SH3RF2: variants seen among roughly 807,000 people sequenced by gnomAD.
SH3RF2 encodes the protein SH3 domain containing ring finger 2.
Under a neutral mutation model 59.0 loss-of-function variants are expected in SH3RF2, and 43 were observed. The ratio of observed to expected loss-of-function variants is 0.73; its 90% CI spans 0.57 to 0.94. SH3RF2 has a LOEUF of 0.94. Among genes scored for constraint, SH3RF2 ranks in the 40% least tolerant of loss-of-function variants. The probability of loss-of-function intolerance (pLI) is 0.00; values close to 1 mark genes in which losing one functional copy is unlikely to be tolerated. For missense variants in SH3RF2, 930 were observed against 940.1 expected, an observed-to-expected ratio of 0.99 and a Z score of 0.14; for synonymous variants, 391 against 391.5, an observed-to-expected ratio of 1.00 and a Z score of 0.01.
In SH3RF2 at chr5:146,075,641, T is replaced by C. The variant is rs551011824; in HGVS notation, c.*34-2819T>C. Among the ~76,000 whole-genome samples the C allele has an allele frequency of 1.2e-3, 179 of 151,776 alleles. 1 individual carries two copies. The highest frequency in any genetic ancestry group is 4.0e-3 in the African/African-American group (167 of 41,380). ...GCCTGGCCAACATGGCAAAACCCCA[T>C]CTCTACTAAAAATACAAAAATTAGC... On this transcript the variant is annotated intron_variant, in intron 9 of 9. Transcript: ENST00000511217.
At chr5:146,080,695 C>T (rs1763410590) in exon 10 of SH3RF2, 1 of 152,246 alleles carries the variant, frequency 6.6e-6, no homozygotes, top group Admixed American at 6.5e-5. Flanking sequence ...GTATGGATTA[C>T]TGTAAAATGT....
At chr5:146,017,256 G>T (rs1170236697) in intron 5 of SH3RF2, among the ~76,000 whole-genome samples, 1 of 152,226 alleles carries the variant, frequency 6.6e-6, no homozygotes, top group Non-Finnish European at 1.5e-5. Flanking sequence ...AGTGGAGGAA[G>T]TTAAGTGGGT....
intron 5 of SH3RF2, among the ~76,000 whole-genome samples, chr5:146,020,043 C>T (rs765277779): frequency 1.3e-5 from 2 of 152,090 alleles, no homozygotes; most frequent in Non-Finnish European, 2.9e-5. Flanking sequence ...AGATCATCAG[C>T]AAACAGAGAT....
chr5:146,042,607 T>A (rs1762166268), intron 5 of SH3RF2, among the ~76,000 whole-genome samples: 1 of 152,210 alleles, frequency 6.6e-6, no homozygotes, highest in Non-Finnish European at 1.5e-5. Flanking sequence ...AAGAGGTAGC[T>A]GCATTTTCTA....
intron 2 of SH3RF2, among the ~76,000 whole-genome samples, chr5:145,999,763 A>G (rs1760322118): frequency 6.6e-6 from 1 of 152,138 alleles, no homozygotes; most frequent in Admixed American, 6.6e-5. Flanking sequence ...GTAACCTCAA[A>G]GATCACTGAT....
rs1265784207 is a variant in SH3RF2 at position 146,000,170 on chromosome 5, A to G, written c.491A>G (p.Gln164Arg). 2 of 1,613,516 alleles carry G rather than the reference A, an allele frequency of 1.2e-6. No homozygotes were observed. The highest frequency in any genetic ancestry group is 1.1e-5 in the South Asian group (1 of 90,994). The change falls in exon 3 of 10, where the codon CAG becomes CGG. Residue 164 changes from glutamine (Q) to arginine (R), a missense_variant. Gln to Arg is a conservative substitution (Grantham distance 43, BLOSUM62 1). Coordinates refer to ENST00000359120, the MANE Select transcript of SH3RF2 (RefSeq NM_152550.4). ...LRRQLDENWY[Q>R]GEINGISGNF... ...AGACAGCTTGATGAGAATTGGTACCAGGGGGAAATCAATGGCATCAGCGGG... is the reference window on the plus strand; with the variant it reads ...AGACAGCTTGATGAGAATTGGTACCGGGGGGAAATCAATGGCATCAGCGGG...
In SH3RF2 at chr5:146,073,529, T is replaced by G. The variant is rs533416059; in HGVS notation, c.*34-4931T>G. Reference sequence around the variant, plus strand: ...ACTTTGTAATTCAGAAAATGCTGATTAAACCCCCGCTGGGCGTCCATTATG... The same window carrying G: ...ACTTTGTAATTCAGAAAATGCTGATGAAACCCCCGCTGGGCGTCCATTATG... On this transcript the variant is annotated intron_variant, in intron 9 of 9. Coordinates refer to the SH3RF2 transcript ENST00000511217. Among the ~76,000 whole-genome samples, 4 of 152,248 alleles carry G rather than the reference T, an allele frequency of 2.6e-5. No individual in the cohort carries two copies. The South Asian group carries it at 8.3e-4, about 31-fold the overall frequency.
chr5:146,014,000 AC>A lies in SH3RF2; in HGVS notation c.1002del (p.Ser335LeufsTer2). Reference sequence around the variant, plus strand: ...ACCCCAGTGCTCATCAGCTCCAGCAACCCCTCTGTGATCACCCAGCCCATGG... The same window carrying A: ...ACCCCAGTGCTCATCAGCTCCAGCAACCCTCTGTGATCACCCAGCCCATGG... Reference protein sequence around the residue: ...ISTPVLISSSNPSVITQPMEK... With the variant: ...ISTPVLISSSXPSVITQPMEK... On this transcript the variant is annotated frameshift_variant, in exon 5 of 10. Coordinates refer to ENST00000359120, the MANE Select transcript of SH3RF2 (RefSeq NM_152550.4). LOFTEE classifies it high-confidence loss of function. The A allele has an allele frequency of 6.2e-7, 1 of 1,613,970 alleles. No homozygotes were observed. Among genetic ancestry groups the A allele is most frequent in the Non-Finnish European group, 8.5e-7 (1 of 1,179,964 alleles).
At chr5:146,035,673 T>G (rs1761912572) in intron 5 of SH3RF2, among the ~76,000 whole-genome samples, 1 of 152,178 alleles carries the variant, frequency 6.6e-6, no homozygotes, top group South Asian at 2.1e-4. Flanking sequence ...ATTCCTTAGT[T>G]CAGAAAATAA....
exon 10 of SH3RF2, chr5:146,080,427 T>C (rs992878538): frequency 3.3e-5 from 5 of 152,174 alleles, no homozygotes; most frequent in Non-Finnish European, 7.4e-5. Context: ...TGAGTTAATA[T>C]GTATGTGAAT....
chr5:145,971,871 A>AATG (rs148965709), intron 2 of SH3RF2, among the ~76,000 whole-genome samples: 6,067 of 150,706 alleles, frequency 0.04, 136 homozygotes, highest in Middle Eastern at 0.12. Flanking sequence ...TAATAGTGAT[A>AATG]ATGATGATGA....
At chr5:145,994,365 G>A (rs1209655952) in intron 2 of SH3RF2, among the ~76,000 whole-genome samples, 2 of 152,060 alleles carry the variant, frequency 1.3e-5, no homozygotes, top group East Asian at 3.8e-4. Flanking sequence ...CATATTTTCA[G>A]GTATCTTTTC....
intron 5 of SH3RF2, among the ~76,000 whole-genome samples, chr5:146,043,303 C>G (rs1762188871): frequency 6.6e-6 from 1 of 152,186 alleles, no homozygotes; most frequent in South Asian, 2.1e-4. Flanking sequence ...TGGTTTCTCT[C>G]CTATTCAGGT....
intron 2 of SH3RF2, among the ~76,000 whole-genome samples, chr5:145,946,074 C>T (rs757054746): frequency 2.0e-5 from 3 of 152,204 alleles, no homozygotes; most frequent in Non-Finnish European, 4.4e-5. Context: ...ATCTGTTCAC[C>T]ATGAGCTGCT....
At chr5:145,997,337 T>A in intron 2 of SH3RF2, 3 of 1,146,256 alleles carry the variant, frequency 2.6e-6, no homozygotes, top group Non-Finnish European at 4.0e-6. Context: ...CCGTATATAC[T>A]GCACCACCGC....
chr5:146,070,604 C>T (rs551642460), intron 9 of SH3RF2, among the ~76,000 whole-genome samples: 1 of 152,278 alleles, frequency 6.6e-6, no homozygotes, highest in East Asian at 1.9e-4. Context: ...CTGGTTTTGC[C>T]TGTCCTCACT....
chr5:146,030,335 G>A (rs964582485), intron 5 of SH3RF2, among the ~76,000 whole-genome samples: 1 of 152,194 alleles, frequency 6.6e-6, no homozygotes, highest in Non-Finnish European at 1.5e-5. Context: ...GCTAGGCCTG[G>A]AGCATATACT....
chr5:146,040,458 A>T (rs1762087759), intron 5 of SH3RF2, among the ~76,000 whole-genome samples: 1 of 152,090 alleles, frequency 6.6e-6, no homozygotes, highest in Admixed American at 6.6e-5. Context: ...CTGCTCAAAG[A>T]GCTAAGAAAA....
intron 2 of SH3RF2, among the ~76,000 whole-genome samples, chr5:145,970,235 C>T (rs1355916854): frequency 6.6e-6 from 1 of 151,986 alleles, no homozygotes; most frequent in Non-Finnish European, 1.5e-5. Context: ...GCAGTGTATA[C>T]TGTACCCAAT....
Sources: allele counts gnomAD v4.1 joint callset (sites outside exome capture counted in the v4.1 genomes callset), GRCh38; gene constraint gnomAD v4.1.1; transcripts MANE v1.5; gene names NCBI Gene and HGNC (gene_info 2026-07-23, HGNC 2026-07-21).